CCDC60: variants seen among roughly 807,000 people sequenced by gnomAD.
CCDC60 encodes coiled-coil domain containing 60, also known as coiled-coil domain-containing protein 60.
A neutral mutation model predicts 63.5 loss-of-function variants in CCDC60; 54 were observed. The ratio of observed to expected loss-of-function variants is 0.85; its 90% CI spans 0.68 to 1.07. CCDC60 has a LOEUF of 1.07. Among genes scored for constraint, CCDC60 ranks in the 50% least tolerant of loss-of-function variants. CCDC60 has a pLI of 0.00. For synonymous variants in CCDC60, 206 were observed against 238.8 expected, an observed-to-expected ratio of 0.86 and a Z score of 1.27; for missense variants, 651 against 684.3, an observed-to-expected ratio of 0.95 and a Z score of 0.54.
chr12:119,347,184 G>T (rs1955606065), intron 1 of CCDC60, among the ~76,000 whole-genome samples: 1 of 152,034 alleles, frequency 6.6e-6, no homozygotes, highest in South Asian at 2.1e-4. Flanking sequence ...TCTAATTAGA[G>T]TCACATTTCT....
intron 5 of CCDC60, among the ~76,000 whole-genome samples, chr12:119,489,954 T>C (rs1328634200): frequency 6.6e-6 from 1 of 152,002 alleles, no homozygotes; most frequent in Non-Finnish European, 1.5e-5. Context: ...TGCACCACCA[T>C]GCCCAGCTAA....
intron 2 of CCDC60, among the ~76,000 whole-genome samples, chr12:119,458,691 A>T (rs1345926004): frequency 6.6e-6 from 1 of 152,160 alleles, no homozygotes; most frequent in African/African-American, 2.4e-5. Flanking sequence ...GTATTCAGGC[A>T]GAGTGCCCTC....
rs557804728 is a variant in CCDC60, at chr12:119,440,301, C to T, written c.170+11539C>T. On this transcript the variant is annotated intron_variant, in intron 2 of 13. Coordinates refer to ENST00000327554, the MANE Select transcript of CCDC60 (RefSeq NM_178499.5). ...ATCCCAGCACTTTGGGAGGCCGAGGCGGGCGGATTGTGAGGTCAGGAGATC... is the reference window on the plus strand; with the variant it reads ...ATCCCAGCACTTTGGGAGGCCGAGGTGGGCGGATTGTGAGGTCAGGAGATC... 8.5e-5 allele frequency among the ~76,000 whole-genome samples: 13 copies of T among 152,194 alleles called. No individual in the cohort carries two copies. The East Asian group carries it at 1.7e-3, about 20-fold the overall frequency.
chr12:119,446,857 C>G (rs1950553197), intron 2 of CCDC60, among the ~76,000 whole-genome samples: 1 of 152,010 alleles, frequency 6.6e-6, no homozygotes, highest in African/African-American at 2.4e-5. Context: ...TAAAAAGTCA[C>G]AGGGAGTTGG....
intron 1 of CCDC60, among the ~76,000 whole-genome samples, chr12:119,343,660 CTATA>C (rs60934414): frequency 0.41 from 57,109 of 140,872 alleles, 11,486 homozygotes; most frequent in South Asian, 0.55. Flanking sequence ...GAAAGGCAAA[CTATA>C]TATATATATA....
intron 6 of CCDC60, among the ~76,000 whole-genome samples, 158 bp downstream of exon 6, chr12:119,500,326 A>G (rs474748): frequency 0.29 from 44,426 of 151,750 alleles, 7,330 homozygotes; most frequent in East Asian, 0.56. Flanking sequence ...TGGTTTTTGT[A>G]AATTTTAATT....
chr12:119,440,252 C>T (rs371818598), intron 2 of CCDC60, among the ~76,000 whole-genome samples: 8 of 152,074 alleles, frequency 5.3e-5, no homozygotes, highest in African/African-American at 9.7e-5. Flanking sequence ...AAAATCCGAC[C>T]GGGCACGGTG....
intron 1 of CCDC60, among the ~76,000 whole-genome samples, chr12:119,357,712 C>T (rs1955732407): frequency 3.3e-5 from 5 of 152,184 alleles, no homozygotes; most frequent in Admixed American, 3.3e-4. Context: ...CTTCGGCCTC[C>T]CAAAGTGCTG....
At chr12:119,537,677 T>C (rs928267092) in intron 13 of CCDC60, among the ~76,000 whole-genome samples, 1 of 152,226 alleles carries the variant, frequency 6.6e-6, no homozygotes, top group African/African-American at 2.4e-5. Context: ...GTCTCTCAGC[T>C]GCAGGTCTGT....
At chr12:119,360,250 C>T (rs1166463725) in intron 1 of CCDC60, among the ~76,000 whole-genome samples, 3 of 149,518 alleles carry the variant, frequency 2.0e-5, no homozygotes, top group African/African-American at 4.9e-5. Context: ...CGGGCAGAGG[C>T]GCCCCTCACC....
intron 1 of CCDC60, among the ~76,000 whole-genome samples, chr12:119,414,311 G>A (rs1045445606): frequency 3.3e-5 from 5 of 151,906 alleles, no homozygotes; most frequent in African/African-American, 9.7e-5. Context: ...GAGCCACCAC[G>A]CCCGGCCACT....
chr12:119,387,943 T>C (rs1956088685), intron 1 of CCDC60: 1 of 152,228 alleles, frequency 6.6e-6, no homozygotes, highest in Non-Finnish European at 1.5e-5. Context: ...GAGATAATTA[T>C]ATCAGTTAAG....
chr12:119,398,936 T>G (rs1956336480), intron 1 of CCDC60, among the ~76,000 whole-genome samples: 1 of 152,124 alleles, frequency 6.6e-6, no homozygotes, highest in Non-Finnish European at 1.5e-5. Flanking sequence ...TTCTCATATC[T>G]CTAAAAAGAA....
At chr12:119,518,039 T>C (rs574006694) in intron 8 of CCDC60, among the ~76,000 whole-genome samples, 4 of 152,304 alleles carry the variant, frequency 2.6e-5, no homozygotes, top group African/African-American at 9.6e-5. Context: ...ATTACCACAA[T>C]TACAGTTCAC....
chr12:119,457,520 A>T (rs1037821829), intron 2 of CCDC60, among the ~76,000 whole-genome samples: 3 of 152,268 alleles, frequency 2.0e-5, no homozygotes, highest in African/African-American at 4.8e-5. Context: ...GGTTGCAATA[A>T]GCACTCAGAA....
intron 2 of CCDC60, among the ~76,000 whole-genome samples, chr12:119,455,910 G>A (rs913703785): frequency 4.8e-5 from 6 of 124,388 alleles, no homozygotes; most frequent in Admixed American, 8.5e-5. Context: ...AAGGAGGGAG[G>A]AAGGAAGGAG....
intron 4 of CCDC60, among the ~76,000 whole-genome samples, chr12:119,484,756 G>A (rs1346481013): frequency 6.6e-6 from 1 of 152,176 alleles, no homozygotes; most frequent in African/African-American, 2.4e-5. Context: ...TATCAGTTCA[G>A]AAAAATATCA....
At chr12:119,380,729 C>CCTCTCTAAGGT (rs1476927502) in intron 1 of CCDC60, among the ~76,000 whole-genome samples, 1 of 152,210 alleles carries the variant, frequency 6.6e-6, no homozygotes, top group African/African-American at 2.4e-5. Context: ...ATTTTTAACA[C>CCTCTCTAAGGT]CTCTCTAAGG....
intron 6 of CCDC60, among the ~76,000 whole-genome samples, chr12:119,504,798 G>A (rs1951947979): frequency 6.6e-6 from 1 of 152,166 alleles, no homozygotes; most frequent in Non-Finnish European, 1.5e-5. Context: ...GACTTCTTGG[G>A]CAACCATGAG....
Sources: allele counts gnomAD v4.1 joint callset (sites outside exome capture counted in the v4.1 genomes callset), GRCh38; gene constraint gnomAD v4.1.1; transcripts MANE v1.5; gene names NCBI Gene and HGNC (gene_info 2026-07-23, HGNC 2026-07-21).